The following FHIP2A variants were observed in gnomAD, a reference collection of about 807,000 sequenced individuals.
The protein encoded by FHIP2A is family with sequence similarity 160 member B1.
A neutral mutation model predicts 93.5 loss-of-function variants in FHIP2A; 46 were observed. The observed-to-expected ratio is 0.49, with a 90% CI of 0.39 to 0.63. FHIP2A has a LOEUF of 0.63. Among genes scored for constraint, FHIP2A ranks in the 20% least tolerant of loss-of-function variants. The pLI is 0.00. For missense variants in FHIP2A, 769 were observed against 909.7 expected, an observed-to-expected ratio of 0.85 and a Z score of 1.99; for synonymous variants, 332 against 326.5, an observed-to-expected ratio of 1.02 and a Z score of -0.18.
rs940891611 is a variant in FHIP2A, at chr10:114,861,745, G to C, written c.*205G>C. On this transcript the variant is annotated 3_prime_UTR_variant, in exon 17 of 17. Transcript: ENST00000369248. Reference sequence around the variant, plus strand: ...TGTTTTCATTGGCTTTATCATAATGGTTCTATATATACAATTGCACATTGT... The same window carrying C: ...TGTTTTCATTGGCTTTATCATAATGCTTCTATATATACAATTGCACATTGT... The C allele has an allele frequency of 8.3e-6, 11 of 1,323,950 alleles. No individual in the cohort carries two copies. The highest frequency in any genetic ancestry group is 1.5e-5 in the African/African-American group (1 of 66,662). 82.0% of individuals were successfully genotyped at this position (1,323,950 alleles called of 1,614,324 possible). A position where few individuals can be genotyped will look rare whatever the true frequency, so the allele number is the denominator to read the frequency against.
intron 14 of FHIP2A, among the ~76,000 whole-genome samples, chr10:114,859,819 C>T (rs929117548): frequency 6.6e-6 from 1 of 152,158 alleles, no homozygotes; most frequent in Non-Finnish European, 1.5e-5. Context: ...AAAGTTAATA[C>T]TCATGCAAGA....
chr10:114,846,841 G>T lies in FHIP2A; in HGVS notation c.1568+113G>T, dbSNP rs1779064035. On this transcript the variant is annotated intron_variant, in intron 11 of 16. Transcript: ENST00000369248. The stretch of plus-strand genomic sequence containing the variant: ...AAGAAATACCTCTTACAGTTTAAAA[G>T]TTCTTAAAAGTAAAATTAGATGCAT... 3 of 1,030,512 alleles carry T rather than the reference G, an allele frequency of 2.9e-6. No homozygotes were observed. The African/African-American group carries it at 4.9e-5, about 17-fold the overall frequency. The allele number at this position is 1,030,512 out of a possible 1,614,324, so 63.8% of individuals were successfully genotyped here.
Position 114,864,314 on chromosome 10 carries a change from A to G in FHIP2A, c.*2774A>G, listed in dbSNP as rs1372625085. 2.0e-6 allele frequency: 2 copies of G among 985,368 alleles called. No individual in the cohort carries two copies. The highest frequency in any genetic ancestry group is 1.2e-4 in the Admixed American group (2 of 16,264). 61.0% of individuals were successfully genotyped at this position (985,368 alleles called of 1,614,324 possible). On this transcript the variant is annotated 3_prime_UTR_variant, in exon 17 of 17. Coordinates refer to ENST00000369248, the MANE Select transcript of FHIP2A (RefSeq NM_020940.4). Reference sequence around the variant, plus strand: ...CATCAGTATTGACAGAAGACGTTACAGTGAAGTGCTAAAACCACACTATAT... The same window carrying G: ...CATCAGTATTGACAGAAGACGTTACGGTGAAGTGCTAAAACCACACTATAT...
chr10:114,866,374 C>T (rs2083829464), downstream of FHIP2A, among the ~76,000 whole-genome samples: 1 of 152,114 alleles, frequency 6.6e-6, no homozygotes, highest in Admixed American at 6.5e-5. Flanking sequence ...CATTGATGGG[C>T]ATTTGGGTTG....
chr10:114,894,261 A>G (rs891078495), intron 16 of FHIP2A, among the ~76,000 whole-genome samples: 7 of 152,058 alleles, frequency 4.6e-5, no homozygotes, highest in Non-Finnish European at 1.0e-4. Context: ...ACAGCTGCTA[A>G]GATGATGTAG....
intron 13 of FHIP2A, among the ~76,000 whole-genome samples, chr10:114,852,229 A>G (rs559898396): frequency 3.3e-5 from 5 of 151,908 alleles, no homozygotes; most frequent in African/African-American, 1.2e-4. Flanking sequence ...ATATCTATCA[A>G]TGGCCCTCTT....
chr10:114,882,440 AAATCC>A (rs2083921852), intron 16 of FHIP2A, among the ~76,000 whole-genome samples: 1 of 152,224 alleles, frequency 6.6e-6, no homozygotes, highest in East Asian at 1.9e-4. Flanking sequence ...GGCACTAGAG[AAATCC>A]CTGCTAGTGC....
chr10:114,895,543 A>G (rs754017300), intron 16 of FHIP2A, among the ~76,000 whole-genome samples: 26 of 152,220 alleles, frequency 1.7e-4, no homozygotes, highest in Non-Finnish European at 3.2e-4. Context: ...TTAGCTTTGT[A>G]TAATCTGCTG....
intron 1 of FHIP2A, among the ~76,000 whole-genome samples, chr10:114,827,096 C>A (rs1247129094): frequency 6.6e-6 from 1 of 152,194 alleles, no homozygotes; most frequent in Non-Finnish European, 1.5e-5. Flanking sequence ...AATTATCCAT[C>A]TAGATACTTT....
chr10:114,871,924 T>A (rs1030125619), intron 16 of FHIP2A, among the ~76,000 whole-genome samples: 3 of 152,196 alleles, frequency 2.0e-5, no homozygotes, highest in African/African-American at 7.2e-5. Context: ...TAAATATATT[T>A]TATTGACTCA....
chr10:114,867,059 C>A (rs808358), downstream of FHIP2A, among the ~76,000 whole-genome samples: 133,493 of 151,978 alleles, frequency 0.88, 58,847 homozygotes, highest in East Asian at 0.98. Context: ...AACTACAAAA[C>A]TTAGCCAGGC....
chr10:114,869,250 C>A (rs943957908), downstream of FHIP2A, among the ~76,000 whole-genome samples: 3 of 152,154 alleles, frequency 2.0e-5, no homozygotes, highest in African/African-American at 7.2e-5. Context: ...GATTAGATTT[C>A]CCAAGAGAGC....
At chr10:114,864,917 C>T (rs1374373175), downstream of FHIP2A, among the ~76,000 whole-genome samples, 1 of 152,100 alleles carries the variant, frequency 6.6e-6, no homozygotes, top group African/African-American at 2.4e-5. Flanking sequence ...AAAAATTCCC[C>T]CAGGAAAACC....
intron 16 of FHIP2A, among the ~76,000 whole-genome samples, chr10:114,887,570 A>G (rs1416841163): frequency 6.6e-6 from 1 of 152,236 alleles, no homozygotes; most frequent in Non-Finnish European, 1.5e-5. Flanking sequence ...GTGGCTGTGA[A>G]GTCTGTGCAC....
At chr10:114,848,864 C>T (rs927307069) in intron 13 of FHIP2A, 127 bp downstream of exon 13, 44 of 641,152 alleles carry the variant, frequency 6.9e-5, no homozygotes, top group South Asian at 1.1e-4. Flanking sequence ...AGACCTGGGC[C>T]GGGTGCAGTG....
rs371789137 is a variant in FHIP2A, at chr10:114,861,444, C to T, written c.2202C>T (p.His734=). Residue 734 remains histidine (H), a synonymous_variant, in exon 17 of 17, where the codon CAC becomes CAT. Transcript: ENST00000369248. ...GLEPEGPIID[H]ITLLEGVIVL... ...GTTTTTTCCTTACCAGTATTGACCA[C>T]ATCACACTGCTAGAGGGTGTGATTG... 1.1e-5 allele frequency: 18 copies of T among 1,613,952 alleles called. No homozygotes were observed. Among genetic ancestry groups the T allele is most frequent in the Admixed American group, 1.7e-5 (1 of 59,990 alleles).
chr10:114,890,342 T>C (rs538006211), intron 16 of FHIP2A, among the ~76,000 whole-genome samples: 1 of 151,904 alleles, frequency 6.6e-6, no homozygotes, highest in Non-Finnish European at 1.5e-5. Flanking sequence ...CACCTGTATT[T>C]TTGAAATTAC....
At chr10:114,853,077 G>A (rs1003397650) in intron 13 of FHIP2A, among the ~76,000 whole-genome samples, 2 of 152,116 alleles carry the variant, frequency 1.3e-5, no homozygotes, top group African/African-American at 4.8e-5. Flanking sequence ...CTAATCTTTT[G>A]TGGTCCTTTG....
chr10:114,878,791 A>AAAAAAAAAAAAAG (rs1555247326), intron 16 of FHIP2A, among the ~76,000 whole-genome samples: 7 of 135,458 alleles, frequency 5.2e-5, no homozygotes, highest in Non-Finnish European at 1.1e-4. Flanking sequence ...AAAAAAAAAA[A>AAAAAAAAAAAAAG]AAAGAAAGAA....
Sources: allele counts gnomAD v4.1 joint callset (sites outside exome capture counted in the v4.1 genomes callset), GRCh38; gene constraint gnomAD v4.1.1; transcripts MANE v1.5; gene names NCBI Gene and HGNC (gene_info 2026-07-23, HGNC 2026-07-21).